Variants in PTPRD observed in about 807,000 individuals in gnomAD.
The protein encoded by PTPRD is receptor-type tyrosine-protein phosphatase delta.
PTPRD carries 34 observed loss-of-function variants against 214.5 expected under a neutral mutation model. That is an observed-to-expected ratio of 0.16 (90% CI 0.12 to 0.21). The LOEUF (loss-of-function observed/expected upper bound fraction) is 0.21, where lower values mean the gene tolerates loss of function less well. Ranked by LOEUF, PTPRD falls within the 10% of genes least tolerant of loss-of-function variation. The pLI, the probability that PTPRD is intolerant of heterozygous loss-of-function variation, is 1.00. For synonymous variants in PTPRD, 1,128 were observed against 845.7 expected (o/e 1.33, Z -5.79); for missense variants, 2,545 against 2,398.7 (o/e 1.06, Z -1.27).
intron 7 of PTPRD, among the ~76,000 whole-genome samples, chr9:9,653,335 C>T (rs1269065069): frequency 6.1e-5 from 6 of 97,954 alleles, no homozygotes; most frequent in African/African-American, 8.5e-5. Context: ...GGCGACAGAG[C>T]GAGACTCCGT....
intron 3 of PTPRD, among the ~76,000 whole-genome samples, chr9:10,115,944 T>A (rs2154241383): frequency 6.6e-6 from 1 of 152,158 alleles, no homozygotes; most frequent in East Asian, 1.9e-4. Flanking sequence ...AATAACTGGT[T>A]GTTTATGGAA....
intron 8 of PTPRD, among the ~76,000 whole-genome samples, chr9:9,486,582 C>A (rs2095648258): frequency 6.6e-6 from 1 of 151,954 alleles, no homozygotes; most frequent in South Asian, 2.1e-4. Flanking sequence ...CCCCTTCCTT[C>A]TCAAATGTTC....
At chr9:10,367,063 A>C (rs1175216835) in intron 2 of PTPRD, among the ~76,000 whole-genome samples, 3 of 147,834 alleles carry the variant, frequency 2.0e-5, no homozygotes, top group African/African-American at 7.7e-5. Context: ...CAAAAGAAAA[A>C]AGAAACAGAC....
intron 11 of PTPRD, among the ~76,000 whole-genome samples, chr9:8,925,861 T>A (rs1275033088): frequency 1.3e-5 from 2 of 149,670 alleles, no homozygotes; most frequent in Admixed American, 6.8e-5. Context: ...TTGCAATATT[T>A]TTTTTTTTTT....
intron 14 of PTPRD, among the ~76,000 whole-genome samples, chr9:8,628,035 C>T (rs750427653): frequency 6.6e-6 from 1 of 151,822 alleles, no homozygotes; most frequent in Non-Finnish European, 1.5e-5. Context: ...ATTGTCAGCA[C>T]GTTTGTTCTG....
intron 3 of PTPRD, among the ~76,000 whole-genome samples, chr9:10,330,667 C>T (rs2096732946): frequency 1.3e-5 from 2 of 151,808 alleles, no homozygotes; most frequent in Non-Finnish European, 1.5e-5. Flanking sequence ...GAGATATTTG[C>T]ACACGATTTT....
intron 12 of PTPRD, among the ~76,000 whole-genome samples, chr9:8,711,938 G>C (rs370388208): frequency 6.6e-6 from 1 of 152,184 alleles, no homozygotes; most frequent in Non-Finnish European, 1.5e-5. Flanking sequence ...CTCAGTGAAA[G>C]AAGCCAGACC....
intron 9 of PTPRD, among the ~76,000 whole-genome samples, chr9:9,281,813 C>A (rs1947792528): frequency 6.7e-6 from 1 of 148,660 alleles, no homozygotes; most frequent in Non-Finnish European, 1.5e-5. Flanking sequence ...TTCGTAACAG[C>A]TTTGCTCATA....
At chr9:9,457,597 C>T (rs891147790) in intron 8 of PTPRD, among the ~76,000 whole-genome samples, 12 of 151,902 alleles carry the variant, frequency 7.9e-5, no homozygotes, top group Admixed American at 2.0e-4. Context: ...TTGTTCTTTT[C>T]TTCCTTTATG....
At position 8,319,943 on chromosome 9, in the gene PTPRD, A is replaced by C. The variant is rs1587307133; in HGVS notation, c.5558T>G (p.Val1853Gly). Residue 1853 changes from valine to glycine, a missense_variant, in exon 45 of 46, where the codon GTC becomes GGC. Coordinates refer to ENST00000381196, the MANE Select transcript of PTPRD (RefSeq NM_002839.4). ...HCSAGVGRTG[V>G]FITLSIVLER... is the part of the protein sequence containing the mutation. The stretch of plus-strand genomic sequence containing the variant: ...CAAAACAATGCTTAGCGTTATGAAG[A>C]CTCCAGTTCTTCCAACGCCCGCGCT... The C allele has an allele frequency of 6.2e-7, 1 of 1,611,804 alleles. No individual in the cohort carries two copies. Among genetic ancestry groups the C allele is most frequent in the South Asian group, 1.1e-5 (1 of 90,792 alleles).
At chr9:8,903,299 G>C (rs1380813139) in intron 11 of PTPRD, among the ~76,000 whole-genome samples, 3 of 152,064 alleles carry the variant, frequency 2.0e-5, no homozygotes, top group African/African-American at 7.2e-5. Context: ...TTTCAGCCTA[G>C]CCACATGCTA....
chr9:9,846,366 C>T (rs1437080233), intron 5 of PTPRD, among the ~76,000 whole-genome samples: 1 of 152,074 alleles, frequency 6.6e-6, no homozygotes, highest in African/African-American at 2.4e-5. Context: ...AGAAATCAGA[C>T]TTGTGACAAG....
intron 15 of PTPRD, chr9:8,528,372 A>G: frequency 1.6e-6 from 1 of 617,806 alleles, no homozygotes. Context: ...TGTGGATTAA[A>G]CAGAAGCTGC....
chr9:10,447,364 G>C (rs527445279), intron 2 of PTPRD, among the ~76,000 whole-genome samples: 3 of 152,048 alleles, frequency 2.0e-5, no homozygotes, highest in East Asian at 1.9e-4. Context: ...CATCTTCCTT[G>C]ATTGAAGGTA....
chr9:10,251,672 C>G (rs758889991), intron 3 of PTPRD, among the ~76,000 whole-genome samples: 8 of 152,188 alleles, frequency 5.3e-5, no homozygotes, highest in Non-Finnish European at 7.4e-5. Context: ...CAAGTTCACT[C>G]TGTGATCCTT....
At chr9:10,271,518 A>G (rs1192382142) in intron 3 of PTPRD, among the ~76,000 whole-genome samples, 1 of 149,950 alleles carries the variant, frequency 6.7e-6, no homozygotes, top group Non-Finnish European at 1.5e-5. Flanking sequence ...ACCAATACTG[A>G]TAAATTCAAT....
At chr9:9,011,620 C>A (rs1442359831) in intron 11 of PTPRD, among the ~76,000 whole-genome samples, 1 of 152,134 alleles carries the variant, frequency 6.6e-6, no homozygotes, top group African/African-American at 2.4e-5. Flanking sequence ...CTGCCTCTTA[C>A]AATAGGAAAT....
chr9:10,017,066 C>T (rs780874092), intron 4 of PTPRD, among the ~76,000 whole-genome samples: 1 of 152,158 alleles, frequency 6.6e-6, no homozygotes, highest in Non-Finnish European at 1.5e-5. Flanking sequence ...GTTTTCCAAA[C>T]TGTTCCAATC....
intron 12 of PTPRD, among the ~76,000 whole-genome samples, chr9:8,687,679 G>C (rs755039895): frequency 6.6e-6 from 1 of 150,936 alleles, no homozygotes; most frequent in Non-Finnish European, 1.5e-5. Flanking sequence ...ATGTGGAATG[G>C]AAAAAAGGCA....
Sources: allele counts gnomAD v4.1 joint callset (sites outside exome capture counted in the v4.1 genomes callset), GRCh38; gene constraint gnomAD v4.1.1; transcripts MANE v1.5; gene names NCBI Gene and HGNC (gene_info 2026-07-23, HGNC 2026-07-21).